The following NTM variants were observed in gnomAD, a reference collection of about 807,000 sequenced individuals.
NTM encodes the protein IgLON family member 2.
Under a neutral mutation model 42.1 loss-of-function variants are expected in NTM, and 13 were observed. The observed-to-expected ratio is 0.31, with a 90% CI of 0.20 to 0.49. The LOEUF (loss-of-function observed/expected upper bound fraction) is 0.49. Among genes scored for constraint, NTM ranks in the 20% least tolerant of loss-of-function variants. The pLI is 0.99. For synonymous variants in NTM, 187 were observed against 179.2 expected, an observed-to-expected ratio of 1.04 and a Z score of -0.35; for missense variants, 373 against 452.8, an observed-to-expected ratio of 0.82 and a Z score of 1.60.
intron 1 of NTM, among the ~76,000 whole-genome samples, chr11:131,786,078 G>T (rs910071124): frequency 6.6e-6 from 1 of 152,178 alleles, no homozygotes; most frequent in Non-Finnish European, 1.5e-5. Context: ...CTTTCAGGGA[G>T]AGCCAGCATT....
intron 1 of NTM, among the ~76,000 whole-genome samples, chr11:131,378,043 G>T (rs1462048649): frequency 6.6e-6 from 1 of 152,160 alleles, no homozygotes; most frequent in Non-Finnish European, 1.5e-5. Context: ...CCAGTGGTTT[G>T]CAAACTTGCC....
chr11:132,261,412 G>A (rs997204431), intron 4 of NTM, among the ~76,000 whole-genome samples: 4 of 152,150 alleles, frequency 2.6e-5, no homozygotes, highest in African/African-American at 7.2e-5. Context: ...ACAGACGCAC[G>A]GCTCACAGCA....
intron 1 of NTM, among the ~76,000 whole-genome samples, chr11:131,480,498 C>G (rs184464700): frequency 6.6e-6 from 1 of 152,198 alleles, no homozygotes; most frequent in South Asian, 2.1e-4. Context: ...ACGAAACTCA[C>G]GTGCAGCTTG....
chr11:131,544,437 T>C (rs984238872), intron 1 of NTM, among the ~76,000 whole-genome samples: 2 of 152,166 alleles, frequency 1.3e-5, no homozygotes, highest in African/African-American at 4.8e-5. Context: ...AAGCTTCCCA[T>C]TCTACTACCA....
intron 1 of NTM, among the ~76,000 whole-genome samples, chr11:131,753,244 G>A (rs1399184816): frequency 6.6e-6 from 1 of 152,170 alleles, no homozygotes; most frequent in African/African-American, 2.4e-5. Flanking sequence ...GGTAACAACA[G>A]GTGCTGGAGA....
intron 1 of NTM, among the ~76,000 whole-genome samples, chr11:131,498,597 C>G (rs998608642): frequency 6.6e-6 from 1 of 152,092 alleles, no homozygotes; most frequent in Non-Finnish European, 1.5e-5. Context: ...TCTGCTCTTT[C>G]CCTCTGATCT....
chr11:131,592,771 C>A (rs926916777), intron 1 of NTM, among the ~76,000 whole-genome samples: 1 of 152,048 alleles, frequency 6.6e-6, no homozygotes, highest in South Asian at 2.1e-4. Context: ...GGTCTCCTTG[C>A]CAGCCCTGGC....
intron 1 of NTM, among the ~76,000 whole-genome samples, chr11:131,665,718 A>G (rs2068928445): frequency 6.6e-6 from 1 of 152,190 alleles, no homozygotes; most frequent in African/African-American, 2.4e-5. Flanking sequence ...TAACAAAGTC[A>G]CAAAATGCAT....
At chr11:131,916,782 A>C (rs192274684) in intron 2 of NTM, among the ~76,000 whole-genome samples, 25 of 152,296 alleles carry the variant, frequency 1.6e-4, no homozygotes, top group Non-Finnish European at 2.9e-4. Context: ...ATTTGCCAAT[A>C]AAATCCGAAG....
At chr11:132,238,338 C>A (rs999474302) in intron 4 of NTM, among the ~76,000 whole-genome samples, 3 of 152,078 alleles carry the variant, frequency 2.0e-5, no homozygotes, top group Non-Finnish European at 4.4e-5. Context: ...GCAGAGGGCA[C>A]GCATCCTCTG....
chr11:132,051,766 T>C (rs2078891013), intron 2 of NTM, among the ~76,000 whole-genome samples: 1 of 152,244 alleles, frequency 6.6e-6, no homozygotes, highest in African/African-American at 2.4e-5. Flanking sequence ...TCTACAGTTC[T>C]GATCCGGAAT....
chr11:131,826,145 G>T (rs1422094207), intron 1 of NTM, among the ~76,000 whole-genome samples: 1 of 152,024 alleles, frequency 6.6e-6, no homozygotes, highest in Non-Finnish European at 1.5e-5. Context: ...AGAGGTGAAA[G>T]TAGCCATACA....
At chr11:132,281,027 C>T (rs2139836313) in intron 4 of NTM, among the ~76,000 whole-genome samples, 1 of 152,296 alleles carries the variant, frequency 6.6e-6, no homozygotes, top group African/African-American at 2.4e-5. Context: ...TTTCCAGCCC[C>T]CATTGCATTG....
intron 1 of NTM, among the ~76,000 whole-genome samples, chr11:131,593,376 G>A (rs1224765775): frequency 1.3e-5 from 2 of 152,192 alleles, no homozygotes; most frequent in Non-Finnish European, 2.9e-5. Flanking sequence ...GGTGGGGTAC[G>A]AGCATCTTCT....
intron 1 of NTM, among the ~76,000 whole-genome samples, chr11:131,748,605 A>T (rs1461467164): frequency 2.0e-5 from 3 of 152,078 alleles, no homozygotes; most frequent in Admixed American, 6.5e-5. Context: ...AAGTGATTTT[A>T]TTTTGAATGT....
intron 1 of NTM, among the ~76,000 whole-genome samples, chr11:131,690,865 C>A (rs889142408): frequency 6.6e-6 from 1 of 152,300 alleles, no homozygotes; most frequent in Admixed American, 6.5e-5. Context: ...TTGTCCTGTC[C>A]ACCCCGTCAC....
At chr11:131,618,123 G>T (rs1249257149) in intron 1 of NTM, among the ~76,000 whole-genome samples, 1 of 152,194 alleles carries the variant, frequency 6.6e-6, no homozygotes, top group African/African-American at 2.4e-5. Context: ...CAGTAAGGGA[G>T]ACCTTTGGGA....
chr11:132,292,382 C>T (rs990170292), intron 4 of NTM, among the ~76,000 whole-genome samples: 2 of 152,232 alleles, frequency 1.3e-5, no homozygotes, highest in East Asian at 3.9e-4. Flanking sequence ...GTCTGTCTGA[C>T]GGCTTCTCTA....
At chr11:131,528,499 C>T (rs933255005) in intron 1 of NTM, among the ~76,000 whole-genome samples, 36 of 152,304 alleles carry the variant, frequency 2.4e-4, no homozygotes, top group African/African-American at 8.7e-4. Context: ...CACACAGCTA[C>T]TCAGTGCCAC....
Sources: gnomAD v4.1 joint callset for allele counts (sites outside exome capture counted in the v4.1 genomes callset) on GRCh38, gnomAD v4.1.1 for gene constraint, MANE v1.5 for transcripts, NCBI Gene and HGNC (gene_info 2026-07-23, HGNC 2026-07-21) for gene names.